The following NAA15 variants were observed in gnomAD, a reference collection of about 807,000 sequenced individuals.
NAA15 encodes N-alpha-acetyltransferase 15, NatA auxiliary subunit, also known as N-terminal acetyltransferase.
A neutral mutation model predicts 114.0 loss-of-function variants in NAA15; 34 were observed. The ratio of observed to expected loss-of-function variants is 0.30; its 90% confidence interval spans 0.23 to 0.40. The LOEUF (loss-of-function observed/expected upper bound fraction) is 0.40. Among genes scored for constraint, NAA15 ranks in the 10% least tolerant of loss-of-function variants. The pLI, the probability that NAA15 is intolerant of heterozygous loss-of-function variation, is 1.00. For synonymous variants in NAA15, 340 were observed against 338.0 expected, an observed-to-expected ratio of 1.01 and a Z score of -0.06; for missense variants, 658 against 1,004.5, an observed-to-expected ratio of 0.66 and a Z score of 4.66.
At chr4:139,331,397 A>G (rs1000879344) in intron 1 of NAA15, among the ~76,000 whole-genome samples, 8 of 151,338 alleles carry the variant, frequency 5.3e-5, no homozygotes, top group African/African-American at 1.9e-4. Flanking sequence ...GCCCACTTTC[A>G]TCTTCCTCAT....
chr4:139,310,068 C>T (rs1481434839), intron 1 of NAA15, among the ~76,000 whole-genome samples: 2 of 152,122 alleles, frequency 1.3e-5, no homozygotes, highest in Non-Finnish European at 2.9e-5. Context: ...GGATCCCTCT[C>T]CTTAGTGTGC....
At chr4:139,354,148 A>G (rs376229798) in intron 10 of NAA15, 50 bp downstream of exon 10, 2 of 1,421,714 alleles carry the variant, frequency 1.4e-6, no homozygotes, top group African/African-American at 1.4e-5. Context: ...ATTTTAATAC[A>G]TTGTGAAATT....
At chr4:139,322,462 A>G (rs1167586268) in intron 1 of NAA15, among the ~76,000 whole-genome samples, 3 of 152,200 alleles carry the variant, frequency 2.0e-5, no homozygotes, top group East Asian at 1.9e-4. Context: ...GGACTAATAC[A>G]TGGGTCTAGA....
At chr4:139,363,661 G>A (rs924057034) in intron 14 of NAA15, among the ~76,000 whole-genome samples, 30 of 152,100 alleles carry the variant, frequency 2.0e-4, no homozygotes, top group African/African-American at 7.2e-4. Context: ...ACATAATTAT[G>A]TGCATATTTA....
intron 6 of NAA15, 28 bp from the exon 7 acceptor site, chr4:139,349,434 A>G (rs766215257): frequency 6.1e-5 from 92 of 1,497,914 alleles, no homozygotes; most frequent in Middle Eastern, 5.2e-4. Context: ...CAGATATTAA[A>G]ATTTTTTTTT....
chr4:139,317,413 A>G (rs1479276738), intron 1 of NAA15, among the ~76,000 whole-genome samples: 2 of 152,078 alleles, frequency 1.3e-5, no homozygotes, highest in South Asian at 2.1e-4. Context: ...CACGAGGTCA[A>G]GAGTTCGAGA....
intron 5 of NAA15, 120 bp from the exon 6 acceptor site, chr4:139,344,066 A>T: frequency 2.5e-6 from 2 of 788,204 alleles, no homozygotes; most frequent in Non-Finnish European, 3.9e-6. Context: ...ATTTTTTAAA[A>T]ATTAGTTTTA....
At chr4:139,361,333 C>G (rs1252163186) in intron 13 of NAA15, among the ~76,000 whole-genome samples, 1 of 152,132 alleles carries the variant, frequency 6.6e-6, no homozygotes, top group African/African-American at 2.4e-5. Context: ...TCAAATACAT[C>G]TTATAATCCT....
chr4:139,310,465 A>C lies in NAA15; in HGVS notation c.54+8634A>C, dbSNP rs962354540. Reference sequence around the variant, plus strand: ...CGAGACTCCGTCTCAAAAAAAAAAAAAAAACATTTTTGGACATAAAAAGCT... The same window carrying C: ...CGAGACTCCGTCTCAAAAAAAAAAACAAAACATTTTTGGACATAAAAAGCT... On this transcript the variant is annotated intron_variant, in intron 1 of 19. Coordinates refer to ENST00000296543, the MANE Select transcript of NAA15 (RefSeq NM_057175.5). Among the ~76,000 whole-genome samples, 10 of 151,744 alleles carry C rather than the reference A, an allele frequency of 6.6e-5. 1 individual carries two copies. Among genetic ancestry groups the C allele is most frequent in the East Asian group, 3.9e-4 (2 of 5,144 alleles).
chr4:139,336,817 T>A (rs772584451), intron 2 of NAA15, 31 bp from the exon 3 acceptor site: 204 of 1,307,748 alleles, frequency 1.6e-4, no homozygotes, highest in Non-Finnish European at 2.0e-4. Context: ...TTTTTTAAAA[T>A]GTTCCTTTTC....
intron 6 of NAA15, among the ~76,000 whole-genome samples, chr4:139,346,707 TG>T (rs1747595359): frequency 6.6e-6 from 1 of 152,132 alleles, no homozygotes; most frequent in Admixed American, 6.5e-5. Context: ...CCACCATGCC[TG>T]GCTAATTTTG....
chr4:139,351,634 C>G, intron 9 of NAA15, 23 bp downstream of exon 9: 1 of 1,168,576 alleles, frequency 8.6e-7, no homozygotes, highest in Non-Finnish European at 1.3e-6. Context: ...ATGATACTTT[C>G]TTTTGGCTAC....
intron 1 of NAA15, among the ~76,000 whole-genome samples, chr4:139,307,977 T>A (rs79236503): frequency 0.021 from 3,182 of 152,028 alleles, 94 homozygotes; most frequent in African/African-American, 0.07. Context: ...TATTATTATT[T>A]TTTTGAGACG....
intron 1 of NAA15, among the ~76,000 whole-genome samples, chr4:139,309,142 G>A (rs1162806796): frequency 6.6e-6 from 1 of 151,316 alleles, no homozygotes; most frequent in Non-Finnish European, 1.5e-5. Flanking sequence ...GAGGTCAGGA[G>A]TTAGAGACCA....
chr4:139,331,506 G>T (rs540317431), intron 1 of NAA15, among the ~76,000 whole-genome samples: 5 of 151,140 alleles, frequency 3.3e-5, no homozygotes, highest in Non-Finnish European at 5.9e-5. Flanking sequence ...TAGTGCAGTG[G>T]CATCATCTTG....
In NAA15 at chr4:139,301,783, G is replaced by A. The variant is rs1372184525; in HGVS notation, c.6G>A (p.Pro2=). The A allele has an allele frequency of 2.5e-6, 4 of 1,579,352 alleles. No individual in the cohort carries two copies. The highest frequency in any genetic ancestry group is 1.8e-5 in the Admixed American group (1 of 56,202). ...CAGCGGGAGCAGCCGGAACGATGCC[G>A]GCCGTGAGCCTCCCGCCCAAGGAGA... The part of the protein sequence containing the change: M[P]AVSLPPKENA... The change falls in exon 1 of 20, where the codon CCG becomes CCA. Residue 2 remains proline, a synonymous_variant. Coordinates refer to ENST00000296543, the MANE Select transcript of NAA15 (RefSeq NM_057175.5).
chr4:139,331,818 G>A (rs1226592314), intron 1 of NAA15, among the ~76,000 whole-genome samples: 2 of 151,872 alleles, frequency 1.3e-5, no homozygotes, highest in Non-Finnish European at 2.9e-5. Context: ...TTATAACTAT[G>A]CATATATTGT....
At chr4:139,317,187 A>G (rs1224122954) in intron 1 of NAA15, among the ~76,000 whole-genome samples, 1 of 151,776 alleles carries the variant, frequency 6.6e-6, no homozygotes, top group Non-Finnish European at 1.5e-5. Context: ...TCTGGTCTTC[A>G]ATGTTTATGC....
rs1476063266 is a variant in NAA15, at chr4:139,362,982, T to G, written c.1753+1045T>G. ...CTGCTAAACAGCTTTTGAATTATTT[T>G]GCTAATTTGTCGTTAAGTTTTACTT... is the stretch of plus-strand genomic sequence containing the variant. On this transcript the variant is annotated intron_variant, in intron 14 of 19. Coordinates refer to ENST00000296543, the MANE Select transcript of NAA15 (RefSeq NM_057175.5). Among the ~76,000 whole-genome samples, 3 of 152,314 alleles carry G rather than the reference T, an allele frequency of 2.0e-5. No homozygotes were observed. The East Asian group carries it at 5.8e-4, about 29-fold the overall frequency.
Sources: allele counts gnomAD v4.1 joint callset (sites outside exome capture counted in the v4.1 genomes callset), GRCh38; gene constraint gnomAD v4.1.1; transcripts MANE v1.5; gene names NCBI Gene and HGNC (gene_info 2026-07-23, HGNC 2026-07-21).